The following IGDCC4 variants were observed in gnomAD, a reference collection of about 807,000 sequenced individuals.
IGDCC4 encodes immunoglobulin superfamily DCC subclass member 4, also known as likely ortholog of mouse neighbor of Punc E11.
IGDCC4 carries 72 observed loss-of-function variants against 116.6 expected under a neutral mutation model. That is an observed-to-expected ratio of 0.62 (90% CI 0.51 to 0.75). The LOEUF is 0.75. Ranked by LOEUF, IGDCC4 falls within the 30% of genes least tolerant of loss-of-function variation. The pLI, the probability that IGDCC4 is intolerant of heterozygous loss-of-function variation, is 0.00. For missense variants in IGDCC4, 1,501 were observed against 1,662.4 expected, an observed-to-expected ratio of 0.90 and a Z score of 1.69; for synonymous variants, 709 against 719.9, an observed-to-expected ratio of 0.98 and a Z score of 0.24.
chr15:65,417,978 G>A (rs1250798085), intron 1 of IGDCC4, among the ~76,000 whole-genome samples: 1 of 152,218 alleles, frequency 6.6e-6, no homozygotes, highest in East Asian at 1.9e-4. Flanking sequence ...TAAATCCTCG[G>A]TACCTGGAAC....
chr15:65,418,671 C>T (rs1002090728), intron 1 of IGDCC4, among the ~76,000 whole-genome samples: 1 of 151,794 alleles, frequency 6.6e-6, no homozygotes, highest in African/African-American at 2.4e-5. Flanking sequence ...TAGCTCCTGT[C>T]ACCCACCTCT....
Position 65,390,301 on chromosome 15 carries a change from G to T in IGDCC4, c.2262C>A (p.Ala754=), listed in dbSNP as rs1020094728. 1.2e-6 allele frequency: 2 copies of T among 1,610,306 alleles called. No individual in the cohort carries two copies. Among genetic ancestry groups the T allele is most frequent in the Admixed American group, 1.7e-5 (1 of 59,946 alleles). The change falls in exon 13 of 20, where the codon GCC becomes GCA. Residue 754 remains alanine (A), a synonymous_variant. Coordinates refer to ENST00000352385, the MANE Select transcript of IGDCC4 (RefSeq NM_020962.3). ...PIQRGPPLPP[A]HVHAESNSST... ...AGCTGTTTGATTCCGCATGGACGTG[G>T]GCTGGAGGCAGGGGTGGTCCCCTCT... is the stretch of plus-strand genomic sequence containing the variant.
chr15:65,416,106 G>C (rs1301870050), intron 1 of IGDCC4, among the ~76,000 whole-genome samples: 1 of 150,442 alleles, frequency 6.6e-6, no homozygotes, highest in Non-Finnish European at 1.5e-5. Flanking sequence ...ACATATTTAC[G>C]AGGCTCGCTG....
intron 13 of IGDCC4, 109 bp from the exon 14 acceptor site, chr15:65,389,520 G>T: frequency 6.7e-7 from 1 of 1,494,868 alleles, no homozygotes; most frequent in Non-Finnish European, 9.2e-7. Context: ...GCTCTACCCT[G>T]GGAAGGGAAG....
At chr15:65,412,812 C>T (rs1035169715) in intron 1 of IGDCC4, among the ~76,000 whole-genome samples, 1 of 151,758 alleles carries the variant, frequency 6.6e-6, no homozygotes, top group African/African-American at 2.4e-5. Context: ...TGGGAGGATC[C>T]CTTGAGCCCA....
intron 13 of IGDCC4, among the ~76,000 whole-genome samples, chr15:65,389,864 C>T (rs2091495736): frequency 6.6e-6 from 1 of 152,092 alleles, no homozygotes; most frequent in Admixed American, 6.5e-5. Flanking sequence ...AGACTGGGAG[C>T]CCTCTGAGGT....
At chr15:65,410,566 G>A (rs935625310) in intron 2 of IGDCC4, 16 of 555,140 alleles carry the variant, frequency 2.9e-5, no homozygotes, top group Non-Finnish European at 5.2e-5. Context: ...TATACAGTAA[G>A]ATGCACACTT....
chr15:65,414,561 C>G (rs947327401), intron 1 of IGDCC4, among the ~76,000 whole-genome samples: 1 of 152,198 alleles, frequency 6.6e-6, no homozygotes, highest in Non-Finnish European at 1.5e-5. Flanking sequence ...TACCACTAAG[C>G]GTGAAGGAAT....
At chr15:65,389,685 C>T (rs114987683) in intron 13 of IGDCC4, among the ~76,000 whole-genome samples, 225 of 152,316 alleles carry the variant, frequency 1.5e-3, no homozygotes, top group African/African-American at 4.9e-3. Flanking sequence ...GAATCATCTC[C>T]GATGCATCTT....
rs144839460 is a variant in IGDCC4, at chr15:65,387,648, T to C, written c.2845+801A>G. Among the ~76,000 whole-genome samples the C allele has an allele frequency of 9.9e-3, 1,499 of 151,578 alleles. 26 individuals are homozygous for C. Among genetic ancestry groups the C allele is most frequent in the African/African-American group, 0.034 (1,389 of 41,378 alleles). On this transcript the variant is annotated intron_variant, in intron 16 of 19. Transcript: ENST00000352385. Reference sequence around the variant, plus strand: ...GATTACAGGCATAAGCCACCGCGCCTGGCCGTCCGACCTCTAATTTTTAAA... The same window carrying C: ...GATTACAGGCATAAGCCACCGCGCCCGGCCGTCCGACCTCTAATTTTTAAA...
chr15:65,400,793 C>A lies in IGDCC4; in HGVS notation c.841+13G>T, dbSNP rs1467154000. ...CCTTCCCATGCCCTCCTTCTCCCAC[C>A]CCCTCCACTCACCTTGTCGGACCCA... is the stretch of plus-strand genomic sequence containing the variant. On this transcript the variant is annotated intron_variant, in intron 5 of 19. Transcript: ENST00000352385. 6.3e-7 allele frequency: 1 copy of A among 1,583,630 alleles called. No homozygotes were observed.
intron 1 of IGDCC4, among the ~76,000 whole-genome samples, chr15:65,418,032 G>A (rs1221707595): frequency 1.3e-5 from 2 of 152,172 alleles, no homozygotes; most frequent in African/African-American, 4.8e-5. Context: ...TTTCTTGAAT[G>A]GATGAGTGAA....
chr15:65,412,024 C>T (rs1051813496), intron 1 of IGDCC4, among the ~76,000 whole-genome samples: 7 of 152,194 alleles, frequency 4.6e-5, no homozygotes, highest in Non-Finnish European at 7.3e-5. Context: ...GCATACCAGC[C>T]TGGGTAACAC....
Position 65,391,957 on chromosome 15 carries a change from T to G in IGDCC4, c.2147A>C (p.Lys716Thr). 1 of 1,612,924 alleles carries G rather than the reference T, an allele frequency of 6.2e-7. No individual in the cohort carries two copies. The highest frequency in any genetic ancestry group is 8.5e-7 in the Non-Finnish European group (1 of 1,179,496). Residue 716 changes from lysine to threonine, a missense_variant, in exon 12 of 20, where the codon AAG becomes ACG. Coordinates refer to ENST00000352385, the MANE Select transcript of IGDCC4 (RefSeq NM_020962.3). ...CTCATGTTTGTTGAAAGCCACGAGC[T>G]TCACCTCGTACAGCCGGCCAGGGAC... Reference protein sequence around the residue: ...QLVPGRLYEVKLVAFNKHEDG... With the variant: ...QLVPGRLYEVTLVAFNKHEDG...
intron 10 of IGDCC4, among the ~76,000 whole-genome samples, chr15:65,392,586 T>C (rs2062878439): frequency 6.6e-6 from 1 of 152,176 alleles, no homozygotes; most frequent in Non-Finnish European, 1.5e-5. Flanking sequence ...CTCACTGTTC[T>C]ACAAGCACAG....
intron 1 of IGDCC4, among the ~76,000 whole-genome samples, chr15:65,412,177 A>C (rs581430): frequency 0.58 from 87,486 of 151,790 alleles, 28,093 homozygotes; most frequent in African/African-American, 0.87. Flanking sequence ...CACGATCACG[A>C]CACTGCACTC....
rs775547087 is a variant in IGDCC4 at position 65,388,855 on chromosome 15, C to T, written c.2660G>A (p.Ser887Asn). 9.9e-6 allele frequency: 16 copies of T among 1,613,970 alleles called. No individual in the cohort carries two copies. The highest frequency in any genetic ancestry group is 1.3e-5 in the African/African-American group (1 of 74,928). Residue 887 changes from serine to asparagine, a missense_variant, in exon 15 of 20, where the codon AGC (serine) becomes AAC (asparagine). By Grantham distance (46) the Ser-to-Asn change is conservative. This residue lies in a region of IGDCC4 where 235 missense variants were observed against 328.0 expected (regional missense o/e 0.72). Coordinates refer to ENST00000352385, the MANE Select transcript of IGDCC4 (RefSeq NM_020962.3). ...EIVEYLILYSSNHTQPEHQWT... is the reference protein window; with the variant it reads ...EIVEYLILYSNNHTQPEHQWT... The stretch of plus-strand genomic sequence containing the variant: ...CTGGTGCTCAGGCTGCGTGTGGTTG[C>T]TGCTGTACAGGATCAGATACTCCAC...
chr15:65,409,813 G>A (rs1027809557), intron 3 of IGDCC4, among the ~76,000 whole-genome samples: 1 of 152,168 alleles, frequency 6.6e-6, no homozygotes, highest in Non-Finnish European at 1.5e-5. Context: ...GCCTCGGGGA[G>A]CCCTCAACAG....
intron 3 of IGDCC4, among the ~76,000 whole-genome samples, chr15:65,404,173 T>C (rs1447664288): frequency 6.6e-6 from 1 of 152,030 alleles, no homozygotes; most frequent in Non-Finnish European, 1.5e-5. Context: ...ACAGGGGCCC[T>C]ACAAACCTGC....
Sources: gnomAD v4.1 joint callset for allele counts (sites outside exome capture counted in the v4.1 genomes callset) on GRCh38, gnomAD v4.1.1 for gene constraint, gnomAD v4.1.1 regional missense constraint, MANE v1.5 for transcripts, NCBI Gene and HGNC (gene_info 2026-07-23, HGNC 2026-07-21) for gene names.